The following ANO1 variants were observed in gnomAD, a reference collection of about 807,000 sequenced individuals.
ANO1 encodes anoctamin 1, also known as anoctamin-1.
ANO1 carries 59 observed loss-of-function variants against 124.0 expected under a neutral mutation model. The observed-to-expected ratio is 0.48, with a 90% CI of 0.39 to 0.59. The LOEUF is 0.59. Among genes scored for constraint, ANO1 ranks in the 20% least tolerant of loss-of-function variants. The pLI, the probability that ANO1 is intolerant of heterozygous loss-of-function variation, is 0.00. For missense variants in ANO1, 1,059 were observed against 1,328.0 expected, an observed-to-expected ratio of 0.80 and a Z score of 3.15; for synonymous variants, 529 against 532.0, an observed-to-expected ratio of 0.99 and a Z score of 0.08.
At chr11:70,082,659 GC>G (rs958017444) in intron 1 of ANO1, among the ~76,000 whole-genome samples, 36 of 152,350 alleles carry the variant, frequency 2.4e-4, no homozygotes, top group Admixed American at 1.6e-3. Context: ...ATGTTCTGAA[GC>G]TTTCCCAGGC....
At chr11:70,034,326 C>T (rs984909394) in intron 1 of ANO1, among the ~76,000 whole-genome samples, 1 of 152,178 alleles carries the variant, frequency 6.6e-6, no homozygotes, top group Admixed American at 6.5e-5. Context: ...AGAAACCCCT[C>T]ATAGCTGAGG....
chr11:70,086,033 G>A (rs952523261), intron 1 of ANO1, among the ~76,000 whole-genome samples: 10 of 152,216 alleles, frequency 6.6e-5, no homozygotes, highest in Non-Finnish European at 8.8e-5. Flanking sequence ...CCTGCCTGGC[G>A]CAGCATGCCG....
At chr11:70,007,617 T>C (rs1438167189) in intron 1 of ANO1, among the ~76,000 whole-genome samples, 1 of 152,222 alleles carries the variant, frequency 6.6e-6, no homozygotes, top group African/African-American at 2.4e-5. Context: ...TATCTCATTG[T>C]ATGGTAGACC....
At chr11:70,094,085 C>A (rs1465203416) in intron 2 of ANO1, among the ~76,000 whole-genome samples, 1 of 152,234 alleles carries the variant, frequency 6.6e-6, no homozygotes, top group Non-Finnish European at 1.5e-5. Flanking sequence ...AGGGACAGAG[C>A]TGGCCAGCGT....
intron 1 of ANO1, among the ~76,000 whole-genome samples, chr11:70,067,019 T>TAG (rs1291123366): frequency 6.6e-6 from 1 of 152,200 alleles, no homozygotes. Context: ...GCACTGCTGT[T>TAG]TTCCTAACTC....
intron 1 of ANO1, among the ~76,000 whole-genome samples, chr11:70,035,054 C>G (rs550327777): frequency 3.3e-5 from 5 of 152,072 alleles, no homozygotes; most frequent in Non-Finnish European, 7.3e-5. Flanking sequence ...GTTAGACACT[C>G]CAAGGACCAG....
intron 2 of ANO1, among the ~76,000 whole-genome samples, chr11:70,096,689 C>T (rs1453234442): frequency 6.6e-6 from 1 of 151,892 alleles, no homozygotes; most frequent in Non-Finnish European, 1.5e-5. Flanking sequence ...AGTGAAACCC[C>T]GTCTCTACTA....
At chr11:70,181,209 A>G (rs1316738666) in intron 23 of ANO1, among the ~76,000 whole-genome samples, 2 of 152,174 alleles carry the variant, frequency 1.3e-5, no homozygotes, top group African/African-American at 4.8e-5. Context: ...CCAAAAGTTG[A>G]CACCATGCAC....
intron 11 of ANO1, among the ~76,000 whole-genome samples, chr11:70,148,839 G>A (rs1470372864): frequency 2.0e-5 from 3 of 152,220 alleles, no homozygotes; most frequent in African/African-American, 7.2e-5. Flanking sequence ...CACGGGACGG[G>A]GATCCTGATG....
intron 1 of ANO1, among the ~76,000 whole-genome samples, chr11:70,036,795 G>C (rs1321602124): frequency 6.6e-6 from 1 of 152,168 alleles, no homozygotes; most frequent in Non-Finnish European, 1.5e-5. Context: ...TTTTAGTAGA[G>C]ATGGGGTTTC....
rs756138493 is a variant in ANO1, at chr11:70,095,410, G to GAA, written c.441+7328_441+7329dup. Among the ~76,000 whole-genome samples, 113 of 57,910 alleles carry GAA rather than the reference G, an allele frequency of 2.0e-3. 3 individuals carry two copies. The highest frequency in any genetic ancestry group is 5.8e-3 in the African/African-American group (110 of 18,884). 38.0% of individuals were successfully genotyped at this position (57,910 alleles called of 152,430 possible). A position where few individuals can be genotyped will look rare whatever the true frequency, so the allele number is the denominator to read the frequency against. ...AGAAAGAAAGAAAGAAAGAAAGAAA[G>GAA]AAAGAAAGAAAGAAAGAAAAGAAAA... is the stretch of plus-strand genomic sequence containing the variant. On this transcript the variant is annotated intron_variant, in intron 2 of 25. Coordinates refer to ENST00000355303, the MANE Select transcript of ANO1 (RefSeq NM_018043.7).
intron 22 of ANO1, among the ~76,000 whole-genome samples, 191 bp from the exon 23 acceptor site, chr11:70,179,813 T>C (rs1466799726): frequency 6.6e-6 from 1 of 152,122 alleles, no homozygotes; most frequent in Non-Finnish European, 1.5e-5. Flanking sequence ...AAAGGGCTGG[T>C]ACACACCAGG....
chr11:70,108,321 A>G lies in ANO1; in HGVS notation c.748-32A>G, dbSNP rs1393167113. ...CTGCTCGTGGAAGGTGCCTTAAGTA[A>G]CTGCTCACCCCCCTTCTTGTCTCTG... On this transcript the variant is annotated intron_variant, in intron 5 of 25. Transcript: ENST00000355303. 3.1e-6 allele frequency: 5 copies of G among 1,597,944 alleles called. No individual in the cohort carries two copies. In the African/African-American group the frequency reaches 6.7e-5, roughly 21 times the overall value.
chr11:70,121,141 T>C (rs1165978772), intron 8 of ANO1, among the ~76,000 whole-genome samples: 1 of 152,012 alleles, frequency 6.6e-6, no homozygotes. Context: ...GTGCAGAGCT[T>C]TGTCCTTTCT....
At chr11:69,997,748 C>T (rs1403366372) in intron 1 of ANO1, among the ~76,000 whole-genome samples, 4 of 152,132 alleles carry the variant, frequency 2.6e-5, no homozygotes, top group Non-Finnish European at 5.9e-5. Context: ...TTCTCACGAA[C>T]CAGTTTTCAT....
At chr11:70,185,751 C>T in intron 25 of ANO1, 56 bp downstream of exon 25, 3 of 1,557,688 alleles carry the variant, frequency 1.9e-6, no homozygotes, top group East Asian at 2.3e-5. Context: ...TAGGGACCAT[C>T]CTGTGCCTAC....
At chr11:70,141,060 G>A (rs1158129193) in intron 11 of ANO1, among the ~76,000 whole-genome samples, 6 of 152,082 alleles carry the variant, frequency 3.9e-5, no homozygotes, top group Admixed American at 1.3e-4. Flanking sequence ...TCTCAGATGC[G>A]CACCCCGGCC....
At chr11:70,092,607 G>A (rs750982300) in intron 2 of ANO1, among the ~76,000 whole-genome samples, 4 of 152,174 alleles carry the variant, frequency 2.6e-5, no homozygotes, top group African/African-American at 4.8e-5. Flanking sequence ...CCAGCACCTG[G>A]GGTGGCTGAG....
At chr11:70,140,620 G>A (rs1456167481) in intron 11 of ANO1, among the ~76,000 whole-genome samples, 2 of 152,116 alleles carry the variant, frequency 1.3e-5, no homozygotes, top group African/African-American at 2.4e-5. Flanking sequence ...AAAGTAAGAG[G>A]AGGACCGTGC....
Sources: allele counts gnomAD v4.1 joint callset (sites outside exome capture counted in the v4.1 genomes callset), GRCh38; gene constraint gnomAD v4.1.1; transcripts MANE v1.5; gene names NCBI Gene and HGNC (gene_info 2026-07-23, HGNC 2026-07-21).